Variants in SPEF2 observed in about 807,000 individuals in gnomAD.
SPEF2 encodes sperm flagella and cilia-associated protein 2.
A neutral mutation model predicts 224.6 loss-of-function variants in SPEF2; 187 were observed. The ratio of observed to expected loss-of-function variants is 0.83; its 90% CI spans 0.74 to 0.94. The LOEUF (loss-of-function observed/expected upper bound fraction) is 0.94. Among genes scored for constraint, SPEF2 ranks in the 40% least tolerant of loss-of-function variants. The probability of loss-of-function intolerance (pLI) is 0.00; values close to 1 mark genes in which losing one functional copy is unlikely to be tolerated. For synonymous variants in SPEF2, 715 were observed against 707.3 expected, an observed-to-expected ratio of 1.01 and a Z score of -0.17; for missense variants, 2,170 against 2,135.6, an observed-to-expected ratio of 1.02 and a Z score of -0.32.
intron 5 of SPEF2, 48 bp from the exon 6 acceptor site, chr5:35,649,313 T>C: frequency 6.8e-7 from 1 of 1,480,384 alleles, no homozygotes; most frequent in Non-Finnish European, 9.3e-7. Flanking sequence ...ATGAAGATTT[T>C]TCAATGGTTT....
At chr5:35,671,319 G>A in intron 10 of SPEF2, 5 of 957,502 alleles carry the variant, frequency 5.2e-6, no homozygotes, top group African/African-American at 1.8e-5. Context: ...GGAAAAATAT[G>A]AGATTATGAG....
Position 35,805,349 on chromosome 5 carries a change from C to T in SPEF2, c.5011-1358C>T, listed in dbSNP as rs188788461. ...TGTCCCTCCAAATTCCTTATAGGGA[C>T]GTATGACTACCAGAGGCTTAATTTT... On this transcript the variant is annotated intron_variant, in intron 34 of 36. Coordinates refer to ENST00000356031, the MANE Select transcript of SPEF2 (RefSeq NM_024867.4). 1.5e-3 allele frequency among the ~76,000 whole-genome samples: 231 copies of T among 151,922 alleles called. 1 individual carries two copies. Among genetic ancestry groups the T allele is most frequent in the African/African-American group, 5.3e-3 (220 of 41,500 alleles).
At chr5:35,676,733 GA>G (rs34981301) in intron 10 of SPEF2, among the ~76,000 whole-genome samples, 23 of 147,344 alleles carry the variant, frequency 1.6e-4, no homozygotes, top group East Asian at 7.9e-4. Context: ...TGACTCAAAA[GA>G]AAAAAAAAAT....
At position 35,665,984 on chromosome 5, in the gene SPEF2, T is replaced by A. The variant is rs552832567; in HGVS notation, c.1168-1088T>A. Among the ~76,000 whole-genome samples the A allele has an allele frequency of 5.3e-5, 8 of 152,302 alleles. No homozygotes were observed. In the South Asian group the frequency reaches 1.4e-3, roughly 28 times the overall value. ...CACATCTAGTCATTTATGAATAGTA[T>A]CATAATAGGAAATATTTGTTCTGAT... On this transcript the variant is annotated intron_variant, in intron 8 of 36. Transcript: ENST00000356031.
chr5:35,776,359 A>C lies in SPEF2; in HGVS notation c.4181A>C (p.Lys1394Thr). ...GTTGATGTATATAAACTCATGGAAAAATGGCTTGGTGAGAGGTATTTGAAT... is the reference window on the plus strand; with the variant it reads ...GTTGATGTATATAAACTCATGGAAACATGGCTTGGTGAGAGGTATTTGAAT... The part of the protein sequence containing the change: ...KVVDVYKLME[K>T]WLGERYLNEM... The change falls in exon 29 of 37, where the codon AAA (lysine) becomes ACA (threonine). Residue 1394 changes from lysine (K) to threonine (T), a missense_variant. Transcript: ENST00000356031. 4 of 1,611,588 alleles carry C rather than the reference A, an allele frequency of 2.5e-6. No individual in the cohort carries two copies. The highest frequency in any genetic ancestry group is 2.5e-6 in the Non-Finnish European group (3 of 1,178,934).
intron 24 of SPEF2, among the ~76,000 whole-genome samples, chr5:35,758,006 G>C (rs1357214689): frequency 6.6e-6 from 1 of 152,148 alleles, no homozygotes; most frequent in East Asian, 1.9e-4. Context: ...ATCAAATACA[G>C]ACTTATTGAA....
intron 26 of SPEF2, among the ~76,000 whole-genome samples, chr5:35,764,295 A>G (rs1751773152): frequency 6.6e-6 from 1 of 152,046 alleles, no homozygotes. Context: ...ATTATTATCC[A>G]ATTTACGATG....
chr5:35,774,348 T>C (rs1279777073), intron 28 of SPEF2, among the ~76,000 whole-genome samples: 1 of 152,166 alleles, frequency 6.6e-6, no homozygotes, highest in African/African-American at 2.4e-5. Context: ...AAAGAAAATG[T>C]TGAAAGTTCG....
chr5:35,779,086 G>A (rs1753975657), intron 29 of SPEF2, 31 bp from the exon 30 acceptor site: 16 of 1,523,570 alleles, frequency 1.1e-5, no homozygotes, highest in African/African-American at 1.4e-5. Context: ...ATCTTTCATG[G>A]GGTTAACGCT....
At chr5:35,621,866 G>A (rs1043486424) in intron 1 of SPEF2, among the ~76,000 whole-genome samples, 1 of 152,186 alleles carries the variant, frequency 6.6e-6, no homozygotes, top group Admixed American at 6.5e-5. Context: ...AGCAGTGACA[G>A]GTGAAATTAG....
intron 33 of SPEF2, among the ~76,000 whole-genome samples, chr5:35,796,537 G>A (rs1010355343): frequency 4.0e-5 from 6 of 151,872 alleles, no homozygotes; most frequent in South Asian, 2.1e-4. Context: ...GCGTGAACCC[G>A]GGAGGCAGAG....
chr5:35,745,557 TC>T (rs1748371158), intron 23 of SPEF2, among the ~76,000 whole-genome samples: 1 of 24,220 alleles, frequency 4.1e-5, no homozygotes, highest in African/African-American at 8.9e-5. Context: ...TTCCCCCACT[TC>T]CCTGCCTCAG....
intron 8 of SPEF2, among the ~76,000 whole-genome samples, chr5:35,666,565 A>G (rs1428811571): frequency 6.6e-6 from 1 of 152,204 alleles, no homozygotes; most frequent in Non-Finnish European, 1.5e-5. Flanking sequence ...TTCTCAAGCC[A>G]GTATAATCTG....
chr5:35,673,737 T>C (rs1751499947), intron 10 of SPEF2, among the ~76,000 whole-genome samples: 1 of 152,254 alleles, frequency 6.6e-6, no homozygotes, highest in Non-Finnish European at 1.5e-5. Flanking sequence ...GTTATTGGAT[T>C]AACCCTACAG....
At chr5:35,807,338 A>T (rs997449198) in intron 36 of SPEF2, 85 bp downstream of exon 36, 1 of 1,512,852 alleles carries the variant, frequency 6.6e-7, no homozygotes, top group Non-Finnish European at 8.8e-7. Flanking sequence ...GCTGGCATGG[A>T]AGAGAAAGAA....
intron 24 of SPEF2, among the ~76,000 whole-genome samples, chr5:35,758,222 CT>C (rs1381426967): frequency 6.6e-6 from 1 of 151,860 alleles, no homozygotes; most frequent in African/African-American, 2.4e-5. Context: ...TTTTGTTTTT[CT>C]TTTTACAAAG....
intron 10 of SPEF2, chr5:35,670,609 T>A (rs1193683443): frequency 1.0e-5 from 10 of 985,966 alleles, no homozygotes; most frequent in East Asian, 2.2e-4. Flanking sequence ...AATAATAGAC[T>A]TTTTTTACAG....
Position 35,740,201 on chromosome 5 carries a change from C to G in SPEF2, c.3264C>G (p.Phe1088Leu), listed in dbSNP as rs1028285623. 1.9e-6 allele frequency: 3 copies of G among 1,614,092 alleles called. No homozygotes were observed. Among genetic ancestry groups the G allele is most frequent in the East Asian group, 4.5e-5 (2 of 44,864 alleles). ...TTGTAGCTCAATGGCAGGCTGATTT[C>G]AACTCCCTTCCTGATGACCTGTGGG... ...QDFVAQWQAD[F>L]NSLPDDLWDD... The change falls in exon 23 of 37, where the codon TTC (phenylalanine) becomes TTG (leucine). Residue 1088 changes from phenylalanine to leucine, a missense_variant. Coordinates refer to ENST00000356031, the MANE Select transcript of SPEF2 (RefSeq NM_024867.4).
chr5:35,643,368 A>G, intron 3 of SPEF2: 1 of 390,192 alleles, frequency 2.6e-6, no homozygotes, highest in Admixed American at 2.9e-5. Context: ...TATGGATTGC[A>G]GTGAGTTGAG....
Sources: allele counts gnomAD v4.1 joint callset (sites outside exome capture counted in the v4.1 genomes callset), GRCh38; gene constraint gnomAD v4.1.1; transcripts MANE v1.5; gene names NCBI Gene and HGNC (gene_info 2026-07-23, HGNC 2026-07-21).